Variants in LPAR1 observed in about 807,000 individuals in gnomAD.
LPAR1 encodes the protein LPA receptor 1.
Under a neutral mutation model 23.8 loss-of-function variants are expected in LPAR1, and 5 were observed. That is an observed-to-expected ratio of 0.21 (90% confidence interval 0.11 to 0.44). The LOEUF is 0.44. LPAR1 is among the 20% of genes least tolerant of loss of function. LPAR1 has a pLI of 0.99. For missense variants in LPAR1, 311 were observed against 482.8 expected, an observed-to-expected ratio of 0.64 and a Z score of 3.33; for synonymous variants, 160 against 164.7, an observed-to-expected ratio of 0.97 and a Z score of 0.22.
chr9:110,878,475 C>T (rs906455208), intron 5 of LPAR1, among the ~76,000 whole-genome samples: 3 of 152,242 alleles, frequency 2.0e-5, no homozygotes, highest in Middle Eastern at 6.8e-3. Flanking sequence ...ATAAACCACA[C>T]CTAAACCCCT....
intron 5 of LPAR1, among the ~76,000 whole-genome samples, chr9:110,890,266 C>T (rs1297251852): frequency 6.6e-6 from 1 of 152,024 alleles, no homozygotes; most frequent in Non-Finnish European, 1.5e-5. Context: ...ATACCCAAAA[C>T]AAAAAACATA....
intron 2 of LPAR1, among the ~76,000 whole-genome samples, chr9:111,021,792 C>G (rs543645756): frequency 5.9e-5 from 9 of 151,932 alleles, no homozygotes; most frequent in African/African-American, 2.2e-4. Context: ...GAAACCCTGT[C>G]TCTACTAAAA....
chr9:111,031,478 G>A (rs937835765), intron 2 of LPAR1, among the ~76,000 whole-genome samples: 41 of 152,020 alleles, frequency 2.7e-4, no homozygotes, highest in African/African-American at 9.6e-4. Context: ...AGGCATAGCG[G>A]CACACACCTG....
At chr9:110,884,288 T>TA (rs1395249952) in intron 5 of LPAR1, among the ~76,000 whole-genome samples, 1 of 152,216 alleles carries the variant, frequency 6.6e-6, no homozygotes, top group Non-Finnish European at 1.5e-5. Flanking sequence ...ATCTAATTCC[T>TA]ACTCACACTT....
rs544099900 is a variant in LPAR1 at position 110,915,388 on chromosome 9, T to A, written c.793+26033A>T. Among the ~76,000 whole-genome samples, 7 of 139,130 alleles carry A rather than the reference T, an allele frequency of 5.0e-5. No homozygotes were observed. The East Asian group carries it at 1.4e-3, about 27-fold the overall frequency. 91.3% of individuals were successfully genotyped at this position (139,130 alleles called of 152,430 possible). On this transcript the variant is annotated intron_variant, in intron 5 of 5. Transcript: ENST00000683809. ...CCCATCTCTACTAAAAATACAAAAC[T>A]TAGCCAGGGGTGGTGGCATGTGCCT...
At chr9:110,968,870 C>A (rs934191688) in intron 4 of LPAR1, among the ~76,000 whole-genome samples, 1 of 152,162 alleles carries the variant, frequency 6.6e-6, no homozygotes. Context: ...TCATTTCCGC[C>A]TTAAAATAAC....
At chr9:110,953,957 G>A (rs996896363) in intron 4 of LPAR1, among the ~76,000 whole-genome samples, 1 of 151,902 alleles carries the variant, frequency 6.6e-6, no homozygotes, top group Admixed American at 6.6e-5. Context: ...CAATAGACTT[G>A]AATGAAAAAG....
rs2078832947 is a variant in LPAR1 at position 110,875,388 on chromosome 9, G to A, written c.*33C>T. The A allele has an allele frequency of 5.7e-6, 9 of 1,575,276 alleles. No individual in the cohort carries two copies. Among genetic ancestry groups the A allele is most frequent in the Non-Finnish European group, 7.8e-6 (9 of 1,157,198 alleles). On this transcript the variant is annotated 3_prime_UTR_variant, in exon 6 of 6. Coordinates refer to ENST00000683809, the MANE Select transcript of LPAR1 (RefSeq NM_001351411.2). ...GGGGGAGGCTGTTTATCCTCCAAGA[G>A]AGGACGGCTGGTTCCTCATCTCAGT...
At chr9:111,012,473 A>G (rs778588346) in intron 2 of LPAR1, among the ~76,000 whole-genome samples, 2,856 of 64,422 alleles carry the variant, frequency 0.044, 87 homozygotes, top group African/African-American at 0.12. Flanking sequence ...ACGCGCGCAC[A>G]CACACACACA....
chr9:110,879,537 T>C (rs1362973971), intron 5 of LPAR1, among the ~76,000 whole-genome samples: 3 of 152,106 alleles, frequency 2.0e-5, no homozygotes, highest in African/African-American at 4.8e-5. Flanking sequence ...ATCTGGCTAT[T>C]TGAAATTTGT....
At chr9:110,946,877 T>C (rs904139025) in intron 4 of LPAR1, among the ~76,000 whole-genome samples, 1 of 152,196 alleles carries the variant, frequency 6.6e-6, no homozygotes, top group Admixed American at 6.5e-5. Context: ...ACTGTATAGA[T>C]AAAAACTTGA....
intron 2 of LPAR1, among the ~76,000 whole-genome samples, chr9:110,974,007 C>T (rs918512109): frequency 6.6e-5 from 10 of 152,076 alleles, no homozygotes; most frequent in Admixed American, 4.6e-4. Context: ...CCCATCTCTA[C>T]TTAAAATATA....
intron 5 of LPAR1, among the ~76,000 whole-genome samples, chr9:110,919,678 G>A (rs2093475606): frequency 6.6e-6 from 1 of 152,196 alleles, no homozygotes; most frequent in South Asian, 2.1e-4. Flanking sequence ...CACATTAGAT[G>A]TTCCAGATAC....
At chr9:110,940,643 T>G (rs2095040440) in intron 5 of LPAR1, among the ~76,000 whole-genome samples, 1 of 152,230 alleles carries the variant, frequency 6.6e-6, no homozygotes, top group African/African-American at 2.4e-5. Context: ...AAAGGAAATG[T>G]CTGTATCTGT....
intron 4 of LPAR1, among the ~76,000 whole-genome samples, chr9:110,964,206 G>C (rs571445431): frequency 6.2e-4 from 95 of 152,286 alleles, no homozygotes; most frequent in African/African-American, 2.3e-3. Context: ...AAAATAAAGA[G>C]AGGAAGTGGA....
At chr9:110,998,812 G>A (rs185555815) in intron 2 of LPAR1, among the ~76,000 whole-genome samples, 23 of 152,264 alleles carry the variant, frequency 1.5e-4, no homozygotes, top group Middle Eastern at 3.4e-3. Context: ...CTGTTCATGA[G>A]CATAAGATCA....
At chr9:110,886,487 T>C (rs1412893498) in intron 5 of LPAR1, among the ~76,000 whole-genome samples, 1 of 151,378 alleles carries the variant, frequency 6.6e-6, no homozygotes, top group Non-Finnish European at 1.5e-5. Flanking sequence ...CCCTTACAAT[T>C]TTCAAGTCAC....
At chr9:110,977,813 AGGGAGGGCGGGAGGGAGGGAG>A (rs1564227419) in intron 2 of LPAR1, among the ~76,000 whole-genome samples, 6 of 93,514 alleles carry the variant, frequency 6.4e-5, no homozygotes, top group African/African-American at 1.8e-4. Flanking sequence ...GGAAGGAGGG[AGGGAGGGCGGGAGGGAGGGAG>A]GGAAGGAAGG....
At chr9:111,014,868 A>G (rs2097408634) in intron 2 of LPAR1, among the ~76,000 whole-genome samples, 1 of 152,008 alleles carries the variant, frequency 6.6e-6, no homozygotes, top group South Asian at 2.1e-4. Context: ...TCTAGGCTAA[A>G]CTGTGTCCCC....
Sources: allele counts gnomAD v4.1 joint callset (sites outside exome capture counted in the v4.1 genomes callset), GRCh38; gene constraint gnomAD v4.1.1; transcripts MANE v1.5; gene names NCBI Gene and HGNC (gene_info 2026-07-23, HGNC 2026-07-21).